Variants in PLEKHM3 observed in about 807,000 individuals in gnomAD.
The protein encoded by PLEKHM3 is pleckstrin homology domain-containing family M member 3.
In PLEKHM3, 45 loss-of-function variants were observed where a neutral mutation model predicts 81.8. The observed-to-expected ratio is 0.55, with a 90% CI of 0.43 to 0.71. The LOEUF (loss-of-function observed/expected upper bound fraction) is 0.71. Ranked by LOEUF, PLEKHM3 falls within the 30% of genes least tolerant of loss-of-function variation. The pLI is 0.00. For missense variants in PLEKHM3, 788 were observed against 924.3 expected (o/e 0.85, Z 1.91); for synonymous variants, 352 against 356.4 (o/e 0.99, Z 0.14).
chr2:207,917,591 C>T (rs1689032764), intron 5 of PLEKHM3, among the ~76,000 whole-genome samples: 1 of 152,058 alleles, frequency 6.6e-6, no homozygotes, highest in Non-Finnish European at 1.5e-5. Context: ...GCTTGTAATC[C>T]CAGCACTTTG....
intron 1 of PLEKHM3, among the ~76,000 whole-genome samples, chr2:208,023,905 G>T (rs1693214790): frequency 6.6e-6 from 1 of 151,968 alleles, no homozygotes; most frequent in African/African-American, 2.4e-5. Flanking sequence ...ATTACTATAT[G>T]CCAGGTACGG....
At chr2:207,875,351 A>T (rs561506434) in intron 6 of PLEKHM3, among the ~76,000 whole-genome samples, 9 of 152,346 alleles carry the variant, frequency 5.9e-5, no homozygotes, top group African/African-American at 1.9e-4. Context: ...AACACTGTGA[A>T]GTTAATTTTT....
chr2:207,869,119 A>T (rs80233950), intron 6 of PLEKHM3, among the ~76,000 whole-genome samples: 1,524 of 152,316 alleles, frequency 0.01, 26 homozygotes, highest in African/African-American at 0.033. Context: ...TAAATTAGTC[A>T]TAGGCTAATA....
chr2:207,884,521 T>C (rs969653595), intron 6 of PLEKHM3, among the ~76,000 whole-genome samples: 1 of 152,190 alleles, frequency 6.6e-6, no homozygotes, highest in Non-Finnish European at 1.5e-5. Flanking sequence ...ACTATATCCA[T>C]GTATATTGCT....
chr2:207,882,127 T>C (rs2092594698), intron 6 of PLEKHM3, among the ~76,000 whole-genome samples: 1 of 152,166 alleles, frequency 6.6e-6, no homozygotes, highest in Non-Finnish European at 1.5e-5. Flanking sequence ...TAGGAAACAG[T>C]GCCAAATGCC....
At chr2:207,909,220 T>C (rs1373783666) in intron 5 of PLEKHM3, among the ~76,000 whole-genome samples, 1 of 152,204 alleles carries the variant, frequency 6.6e-6, no homozygotes, top group African/African-American at 2.4e-5. Context: ...CAAAGTCCAG[T>C]ATCTTTAGCT....
chr2:207,994,844 C>T (rs1323544324), intron 2 of PLEKHM3, among the ~76,000 whole-genome samples: 6 of 152,180 alleles, frequency 3.9e-5, no homozygotes, highest in African/African-American at 1.4e-4. Context: ...ATCCCATCAA[C>T]TGGTGGCAAC....
intron 2 of PLEKHM3, among the ~76,000 whole-genome samples, chr2:207,989,893 C>T (rs1183726911): frequency 6.6e-6 from 1 of 152,244 alleles, no homozygotes; most frequent in Non-Finnish European, 1.5e-5. Context: ...AGAGGCCTCC[C>T]CTCCTGGGAA....
At chr2:207,906,615 C>G (rs1688619394) in intron 6 of PLEKHM3, among the ~76,000 whole-genome samples, 1 of 152,032 alleles carries the variant, frequency 6.6e-6, no homozygotes, top group South Asian at 2.1e-4. Flanking sequence ...ACGGTGAAAC[C>G]CCGTCTCTAG....
chr2:208,008,951 T>C (rs1692597195), intron 1 of PLEKHM3, among the ~76,000 whole-genome samples: 1 of 152,240 alleles, frequency 6.6e-6, no homozygotes, highest in African/African-American at 2.4e-5. Context: ...AATTGACTTC[T>C]GGTCCTATGT....
chr2:207,879,351 G>T (rs1431468752), intron 6 of PLEKHM3, among the ~76,000 whole-genome samples: 1 of 152,158 alleles, frequency 6.6e-6, no homozygotes, highest in Non-Finnish European at 1.5e-5. Flanking sequence ...TTGTGACTTT[G>T]TTCACCAGTT....
chr2:207,836,935 C>T (rs1403197776), intron 7 of PLEKHM3, among the ~76,000 whole-genome samples: 1 of 152,220 alleles, frequency 6.6e-6, no homozygotes, highest in Non-Finnish European at 1.5e-5. Context: ...GAGCCCACAA[C>T]GAATGGGGTG....
chr2:207,879,962 A>C (rs1226750358), intron 6 of PLEKHM3, among the ~76,000 whole-genome samples: 1 of 152,184 alleles, frequency 6.6e-6, no homozygotes, highest in Non-Finnish European at 1.5e-5. Context: ...AAGTCTCTCA[A>C]CTTGTCAGGA....
chr2:208,016,666 A>ATACACACACACACACACACACACAC (rs1468410522), intron 1 of PLEKHM3, among the ~76,000 whole-genome samples: 1 of 34,052 alleles, frequency 2.9e-5, no homozygotes, highest in Non-Finnish European at 1.3e-4. Flanking sequence ...AAAAAAAAAA[A>ATACACACACACACACACACACACAC]AAATACACAC....
intron 3 of PLEKHM3, among the ~76,000 whole-genome samples, chr2:207,950,769 A>G (rs1444760518): frequency 6.6e-6 from 1 of 152,180 alleles, no homozygotes; most frequent in African/African-American, 2.4e-5. Flanking sequence ...AGGCTTCAAA[A>G]AAATCAATAT....
chr2:207,885,105 A>ACCAGCTAG (rs1687847644), intron 6 of PLEKHM3, among the ~76,000 whole-genome samples: 1 of 152,176 alleles, frequency 6.6e-6, no homozygotes, highest in Admixed American at 6.5e-5. Context: ...AAAGCTCCAC[A>ACCAGCTAG]CCAGCTAGTC....
chr2:207,991,635 C>T (rs1574474101), intron 2 of PLEKHM3, among the ~76,000 whole-genome samples: 1 of 152,260 alleles, frequency 6.6e-6, no homozygotes. Flanking sequence ...GCCCTGCTCT[C>T]TCTCTTCCTG....
rs1401765132 is a variant in PLEKHM3 at position 207,976,448 on chromosome 2, G to A, written c.1546+203C>T. On this transcript the variant is annotated intron_variant, in intron 3 of 7. Transcript: ENST00000427836. This position sits in a 1 kb window ranked among gnomAD's most constrained non-coding sequence, Gnocchi z 4.1. ...CTGCTTCTATTTACTTCAACAGCAT[G>A]GGATAAAGATGGTTGTCCTTATGTT... Among the ~76,000 whole-genome samples, 1 of 152,202 alleles carries A rather than the reference G, an allele frequency of 6.6e-6. No homozygotes were observed. Among genetic ancestry groups the A allele is most frequent in the Non-Finnish European group, 1.5e-5 (1 of 68,042 alleles).
chr2:207,895,845 T>C (rs1178670880), intron 6 of PLEKHM3, among the ~76,000 whole-genome samples: 1 of 152,252 alleles, frequency 6.6e-6, no homozygotes, highest in Non-Finnish European at 1.5e-5. Context: ...AAGGAAAATA[T>C]AAAATCAGTA....
Sources: gnomAD v4.1 joint callset for allele counts (sites outside exome capture counted in the v4.1 genomes callset) on GRCh38, gnomAD v4.1.1 for gene constraint, Gnocchi (gnomAD v3.1) non-coding constraint, MANE v1.5 for transcripts, NCBI Gene and HGNC (gene_info 2026-07-23, HGNC 2026-07-21) for gene names.